Variants in MAN1A1 observed in about 807,000 individuals in gnomAD.
MAN1A1 encodes the protein mannosyl-oligosaccharide 1,2-alpha-mannosidase IA.
A neutral mutation model predicts 70.8 loss-of-function variants in MAN1A1; 29 were observed. The ratio of observed to expected loss-of-function variants is 0.41; its 90% CI spans 0.31 to 0.56. The LOEUF is 0.56. Ranked by LOEUF, MAN1A1 falls within the 20% of genes least tolerant of loss-of-function variation. The probability of loss-of-function intolerance (pLI) is 0.29; values close to 1 mark genes in which losing one functional copy is unlikely to be tolerated. For synonymous variants in MAN1A1, 349 were observed against 330.1 expected (o/e 1.06, Z -0.62); for missense variants, 747 against 841.3 (o/e 0.89, Z 1.39).
intron 2 of MAN1A1, chr6:119,327,252 A>C (rs1773172586): frequency 6.6e-6 from 1 of 152,048 alleles, no homozygotes; most frequent in Non-Finnish European, 1.5e-5. Context: ...ACTCCATGTG[A>C]TGTTGCTGGT....
At chr6:119,282,530 T>C (rs993503933) in intron 5 of MAN1A1, among the ~76,000 whole-genome samples, 2 of 152,200 alleles carry the variant, frequency 1.3e-5, no homozygotes, top group African/African-American at 4.8e-5. Flanking sequence ...CTATAACTCA[T>C]TAACCATGGA....
chr6:119,349,851 C>A (rs528582190), upstream of MAN1A1: 19 of 712,164 alleles, frequency 2.7e-5, no homozygotes, highest in African/African-American at 3.7e-4. Context: ...ACGCGCCGCC[C>A]AGGGTCCCGC....
At position 119,177,211 on chromosome 6, in the gene MAN1A1, T is replaced by A. The variant is rs1040141261; in HGVS notation, c.*2608A>T. 9 of 152,106 alleles carry A rather than the reference T, an allele frequency of 5.9e-5. No individual in the cohort carries two copies. The highest frequency in any genetic ancestry group is 5.9e-4 in the Admixed American group (9 of 15,266). 9.4% of individuals were successfully genotyped at this position (152,106 alleles called of 1,614,324 possible). A position where few individuals can be genotyped will look rare whatever the true frequency, so the allele number is the denominator to read the frequency against. On this transcript the variant is annotated 3_prime_UTR_variant, in exon 13 of 13. Coordinates refer to ENST00000368468, the MANE Select transcript of MAN1A1 (RefSeq NM_005907.4). ...GAAAAATATAACAAATGAGGAGATA[T>A]ATTAAAAGACTTTATTCACAATAGA...
chr6:119,219,365 G>C (rs2114255212), intron 6 of MAN1A1, among the ~76,000 whole-genome samples: 1 of 152,246 alleles, frequency 6.6e-6, no homozygotes, highest in Non-Finnish European at 1.5e-5. Context: ...TGCACTTACA[G>C]AATTTTCAGG....
chr6:119,210,550 A>C (rs749046841), intron 6 of MAN1A1, among the ~76,000 whole-genome samples: 4 of 152,230 alleles, frequency 2.6e-5, no homozygotes, highest in Non-Finnish European at 5.9e-5. Context: ...AAACAGATAC[A>C]TTATTTAAAA....
chr6:119,325,712 C>G (rs1325811131), intron 2 of MAN1A1, among the ~76,000 whole-genome samples: 1 of 152,102 alleles, frequency 6.6e-6, no homozygotes, highest in Non-Finnish European at 1.5e-5. Flanking sequence ...TTAAATACCC[C>G]TATTGAGCCC....
At chr6:119,234,524 C>A (rs1039014806) in intron 6 of MAN1A1, among the ~76,000 whole-genome samples, 1 of 152,024 alleles carries the variant, frequency 6.6e-6, no homozygotes, top group African/African-American at 2.4e-5. Flanking sequence ...AGCAATCTTT[C>A]CACCTCAGCC....
chr6:119,320,549 C>A (rs1484524912), intron 2 of MAN1A1, among the ~76,000 whole-genome samples: 1 of 150,740 alleles, frequency 6.6e-6, no homozygotes, highest in Non-Finnish European at 1.5e-5. Context: ...TATGATTTAC[C>A]AAAAAAATTA....
chr6:119,242,120 C>A (rs935477391), intron 6 of MAN1A1, among the ~76,000 whole-genome samples: 8 of 112,278 alleles, frequency 7.1e-5, no homozygotes, highest in Non-Finnish European at 1.4e-4. Context: ...CTATTTATAA[C>A]AGACAGACAG....
intron 8 of MAN1A1, among the ~76,000 whole-genome samples, chr6:119,197,069 G>A (rs576485221): frequency 2.1e-3 from 315 of 152,314 alleles, no homozygotes; most frequent in Admixed American, 6.2e-3. Context: ...AGAACATTGG[G>A]AGGCCGGGGA....
At chr6:119,322,924 G>A (rs918165747) in intron 2 of MAN1A1, among the ~76,000 whole-genome samples, 18 of 152,200 alleles carry the variant, frequency 1.2e-4, no homozygotes, top group Non-Finnish European at 2.5e-4. Flanking sequence ...ACAGCAAGGT[G>A]GTGGCTGACA....
intron 5 of MAN1A1, among the ~76,000 whole-genome samples, chr6:119,274,905 A>C (rs1776013800): frequency 6.6e-6 from 1 of 152,230 alleles, no homozygotes; most frequent in African/African-American, 2.4e-5. Flanking sequence ...TTTTCAATTT[A>C]ATGAACTATA....
At chr6:119,234,965 G>T (rs1774800952) in intron 6 of MAN1A1, among the ~76,000 whole-genome samples, 1 of 152,102 alleles carries the variant, frequency 6.6e-6, no homozygotes, top group South Asian at 2.1e-4. Flanking sequence ...CTGTTATGGT[G>T]ATCTGTGATC....
chr6:119,307,350 T>C lies in MAN1A1; in HGVS notation c.604-358A>G, dbSNP rs569111200. 8.3e-4 allele frequency among the ~76,000 whole-genome samples: 127 copies of C among 152,296 alleles called. 4 individuals are homozygous for C. The South Asian group carries it at 0.025, about 31-fold the overall frequency. ...TAGTTCATTTTCATAACAGATTAAA[T>C]CTGCAAAGACTATCTTTAAAATTTA... On this transcript the variant is annotated intron_variant, in intron 2 of 12. Coordinates refer to ENST00000368468, the MANE Select transcript of MAN1A1 (RefSeq NM_005907.4).
rs1200556290 is a variant in MAN1A1 at position 119,300,451 on chromosome 6, T to C, written c.816+1537A>G. On this transcript the variant is annotated intron_variant, in intron 4 of 12. Transcript: ENST00000368468. ...TTGTATTTTTAGTAGAGACGGGGTT[T>C]CACCATGTTGGCCAGGCTGGTCTCA... Among the ~76,000 whole-genome samples the C allele has an allele frequency of 2.0e-5, 3 of 151,980 alleles. No homozygotes were observed. In the East Asian group the frequency reaches 5.8e-4, roughly 29 times the overall value.
chr6:119,186,202 C>A (rs1220900906), intron 11 of MAN1A1, among the ~76,000 whole-genome samples: 1 of 152,078 alleles, frequency 6.6e-6, no homozygotes, highest in Non-Finnish European at 1.5e-5. Flanking sequence ...GTGATACATT[C>A]CCCTTTGCTG....
Position 119,348,847 on chromosome 6 carries a change from C to G in MAN1A1, c.219G>C (p.Leu73=). ...GCTGCAAGGCGGGGCTGGAGTGGAA[C>G]AGGACCCCGCTGAGCAGCTTGGAGG... The part of the protein sequence containing the change: ...PDSSKLLSGV[L]FHSSPALQPA... Residue 73 remains leucine, a synonymous_variant, in exon 2 of 13, where the codon CTG becomes CTC. Transcript: ENST00000368468. 1 of 1,517,162 alleles carries G rather than the reference C, an allele frequency of 6.6e-7. No homozygotes were observed. The highest frequency in any genetic ancestry group is 1.4e-5 in the African/African-American group (1 of 70,028). 94.0% of individuals were successfully genotyped at this position (1,517,162 alleles called of 1,614,324 possible).
At chr6:119,279,616 A>G (rs989101273) in intron 5 of MAN1A1, among the ~76,000 whole-genome samples, 17 of 152,168 alleles carry the variant, frequency 1.1e-4, no homozygotes, top group Admixed American at 2.0e-4. Context: ...CCTGAGTCTC[A>G]GCAGAAATCC....
At chr6:119,239,738 C>T (rs1774952893) in intron 6 of MAN1A1, among the ~76,000 whole-genome samples, 1 of 152,172 alleles carries the variant, frequency 6.6e-6, no homozygotes, top group Non-Finnish European at 1.5e-5. Context: ...TGAGATTAAT[C>T]ACAGGAAAAT....
Sources: gnomAD v4.1 joint callset for allele counts (sites outside exome capture counted in the v4.1 genomes callset) on GRCh38, gnomAD v4.1.1 for gene constraint, MANE v1.5 for transcripts, NCBI Gene and HGNC (gene_info 2026-07-23, HGNC 2026-07-21) for gene names.